PTPRE: variants seen among roughly 807,000 people sequenced by gnomAD.
The protein encoded by PTPRE is protein tyrosine phosphatase receptor type E.
In PTPRE, 51 loss-of-function variants were observed where a neutral mutation model predicts 102.0. That is an observed-to-expected ratio of 0.50 (90% CI 0.40 to 0.63). PTPRE has a LOEUF of 0.63. Among genes scored for constraint, PTPRE ranks in the 30% least tolerant of loss-of-function variants. The probability of loss-of-function intolerance (pLI) is 0.00; values close to 1 mark genes in which losing one functional copy is unlikely to be tolerated. For synonymous variants in PTPRE, 345 were observed against 348.2 expected (o/e 0.99, Z 0.10); for missense variants, 752 against 915.1 (o/e 0.82, Z 2.30).
intron 9 of PTPRE, chr10:128,062,796 T>A (rs1186089029): frequency 9.7e-6 from 4 of 411,066 alleles, no homozygotes; most frequent in African/African-American, 7.9e-5. Flanking sequence ...CACTTGGCTG[T>A]AGACCCAGCC....
rs574409022 is a variant in PTPRE at position 128,032,649 on chromosome 10, G to T, written c.-7-8226G>T. 6.6e-5 allele frequency among the ~76,000 whole-genome samples: 10 copies of T among 152,344 alleles called. No individual in the cohort carries two copies. In the South Asian group the frequency reaches 2.1e-3, roughly 32 times the overall value. On this transcript the variant is annotated intron_variant, in intron 2 of 20. Coordinates refer to ENST00000254667, the MANE Select transcript of PTPRE (RefSeq NM_006504.6). ...CAGTGTGGCGGGAGGAGGCTTCAGG[G>T]TTGGGACTCTTGCTGGCCACTTGTG...
chr10:127,924,206 C>T (rs985550671), intron 1 of PTPRE, among the ~76,000 whole-genome samples: 3 of 152,118 alleles, frequency 2.0e-5, no homozygotes, highest in South Asian at 4.1e-4. Flanking sequence ...GGAGGGCAAG[C>T]GAAGGTGGGT....
chr10:128,011,415 G>A (rs1379930316), intron 2 of PTPRE, among the ~76,000 whole-genome samples: 1 of 152,212 alleles, frequency 6.6e-6, no homozygotes, highest in African/African-American at 2.4e-5. Context: ...GTGACTGGGG[G>A]ACCCCGGAGG....
At chr10:127,933,493 G>T (rs1273603396) in intron 1 of PTPRE, among the ~76,000 whole-genome samples, 2 of 152,058 alleles carry the variant, frequency 1.3e-5, no homozygotes, top group Non-Finnish European at 2.9e-5. Flanking sequence ...ACGCGTTCTG[G>T]ATGAAAATGA....
intron 1 of PTPRE, among the ~76,000 whole-genome samples, chr10:127,921,973 G>A (rs925561550): frequency 5.3e-5 from 8 of 152,232 alleles, no homozygotes; most frequent in African/African-American, 1.9e-4. Flanking sequence ...TGCTCTTGCA[G>A]GAAGTGAAAC....
chr10:127,962,698 A>ACATCAGC, intron 1 of PTPRE, among the ~76,000 whole-genome samples: 1 of 152,334 alleles, frequency 6.6e-6, no homozygotes, highest in African/African-American at 2.4e-5. Flanking sequence ...AACGCCCAGG[A>ACATCAGC]CATCAGCAGT....
intron 1 of PTPRE, chr10:127,935,958 C>T (rs1158395403): frequency 6.6e-6 from 1 of 152,272 alleles, no homozygotes; most frequent in East Asian, 1.9e-4. Flanking sequence ...TCTGCTCTCA[C>T]CTCAGGTGCC....
chr10:127,971,216 G>A (rs56065585), intron 1 of PTPRE, among the ~76,000 whole-genome samples: 6,175 of 152,262 alleles, frequency 0.041, 207 homozygotes, highest in Admixed American at 0.09. Flanking sequence ...TGGGGCTGGC[G>A]CATTGGAACA....
chr10:128,010,987 C>T (rs966983585), intron 2 of PTPRE, among the ~76,000 whole-genome samples: 5 of 152,308 alleles, frequency 3.3e-5, no homozygotes, highest in Admixed American at 6.5e-5. Context: ...TCCTGAATTG[C>T]CACCCCTGTC....
chr10:127,991,839 C>G (rs1209170522), intron 2 of PTPRE, among the ~76,000 whole-genome samples: 1 of 152,194 alleles, frequency 6.6e-6, no homozygotes, highest in Non-Finnish European at 1.5e-5. Flanking sequence ...ACCGGAGGTA[C>G]TTGTGGCCAC....
At chr10:127,917,838 G>C (rs1416769940) in intron 1 of PTPRE, among the ~76,000 whole-genome samples, 1 of 151,864 alleles carries the variant, frequency 6.6e-6, no homozygotes, top group African/African-American at 2.4e-5. Flanking sequence ...ACAACTAGCC[G>C]GGCCAACATA....
intron 1 of PTPRE, among the ~76,000 whole-genome samples, chr10:127,949,573 T>C (rs1226812091): frequency 6.6e-6 from 1 of 152,208 alleles, no homozygotes; most frequent in African/African-American, 2.4e-5. Context: ...TTATACCTGA[T>C]ACGTTTGAAC....
At chr10:128,000,399 C>CT (rs748114790) in intron 2 of PTPRE, among the ~76,000 whole-genome samples, 1 of 152,184 alleles carries the variant, frequency 6.6e-6, no homozygotes, top group Non-Finnish European at 1.5e-5. Context: ...TGGAAGCTGA[C>CT]TAACCAATGA....
At chr10:127,919,587 A>G (rs1325354613) in intron 1 of PTPRE, among the ~76,000 whole-genome samples, 1 of 152,196 alleles carries the variant, frequency 6.6e-6, no homozygotes. Flanking sequence ...CCTCATCTGC[A>G]TCCATAAGAA....
intron 1 of PTPRE, among the ~76,000 whole-genome samples, chr10:127,919,601 A>AGC (rs1770382689): frequency 6.6e-6 from 1 of 152,172 alleles, no homozygotes; most frequent in South Asian, 2.1e-4. Flanking sequence ...ATAAGAAGAA[A>AGC]GCCCGGGTTA....
intron 6 of PTPRE, among the ~76,000 whole-genome samples, chr10:128,054,838 G>A (rs1431682943): frequency 1.3e-5 from 2 of 152,242 alleles, no homozygotes; most frequent in South Asian, 4.1e-4. Flanking sequence ...TGGATCCAAA[G>A]CTACGCAGTG....
chr10:127,910,065 C>T (rs892230286), intron 1 of PTPRE, among the ~76,000 whole-genome samples: 1 of 152,194 alleles, frequency 6.6e-6, no homozygotes, highest in Non-Finnish European at 1.5e-5. Context: ...TCATTTATAA[C>T]ATTTGAGTCA....
intron 1 of PTPRE, among the ~76,000 whole-genome samples, chr10:127,978,644 G>C (rs1383807499): frequency 6.6e-6 from 1 of 152,200 alleles, no homozygotes; most frequent in African/African-American, 2.4e-5. Flanking sequence ...AGCAGCCCCG[G>C]GCCGGCATTG....
chr10:128,014,214 G>A (rs1393638090), intron 2 of PTPRE, among the ~76,000 whole-genome samples: 2 of 152,184 alleles, frequency 1.3e-5, no homozygotes, highest in African/African-American at 4.8e-5. Context: ...ACTGGCAGAG[G>A]GTGCGTCCCC....
Sources: gnomAD v4.1 joint callset for allele counts (sites outside exome capture counted in the v4.1 genomes callset) on GRCh38, gnomAD v4.1.1 for gene constraint, MANE v1.5 for transcripts, NCBI Gene and HGNC (gene_info 2026-07-23, HGNC 2026-07-21) for gene names.